The following KCNH1 variants were observed in gnomAD, a reference collection of about 807,000 sequenced individuals.
KCNH1 encodes the protein voltage-gated delayed rectifier potassium channel KCNH1.
In KCNH1, 27 loss-of-function variants were observed where a neutral mutation model predicts 69.2. The ratio of observed to expected loss-of-function variants is 0.39; its 90% CI spans 0.29 to 0.54. The LOEUF (loss-of-function observed/expected upper bound fraction) is 0.54. Among genes scored for constraint, KCNH1 ranks in the 20% least tolerant of loss-of-function variants. KCNH1 has a pLI of 0.68. For missense variants in KCNH1, 798 were observed against 1,261.6 expected (o/e 0.63, Z 5.57); for synonymous variants, 456 against 487.7 (o/e 0.93, Z 0.86).
chr1:210,861,273 C>A, intron 7 of KCNH1: 1 of 927,182 alleles, frequency 1.1e-6, no homozygotes, highest in South Asian at 1.3e-5. Context: ...CAGGTGAGAG[C>A]ATGAGAAACT....
At chr1:210,997,556 A>G (rs1023939101) in intron 6 of KCNH1, among the ~76,000 whole-genome samples, 4 of 152,208 alleles carry the variant, frequency 2.6e-5, no homozygotes, top group Non-Finnish European at 4.4e-5. Flanking sequence ...TGAAAGTGAC[A>G]GGGAGAATGG....
chr1:211,009,292 A>AAACCT (rs1398908139), intron 6 of KCNH1, among the ~76,000 whole-genome samples: 1 of 152,242 alleles, frequency 6.6e-6, no homozygotes, highest in African/African-American at 2.4e-5. Flanking sequence ...ACAAGGTTGA[A>AAACCT]AACCTGATCA....
chr1:210,893,333 G>T (rs552868185), intron 7 of KCNH1, among the ~76,000 whole-genome samples: 2 of 152,138 alleles, frequency 1.3e-5, no homozygotes, highest in Admixed American at 6.5e-5. Flanking sequence ...GTGCTCTATT[G>T]TTTTCTACTT....
chr1:210,716,129 G>A (rs866305141), intron 10 of KCNH1, among the ~76,000 whole-genome samples: 13 of 152,002 alleles, frequency 8.6e-5, no homozygotes, highest in Non-Finnish European at 5.9e-5. Flanking sequence ...GGTAGATCTT[G>A]CTTTAAGAAA....
intron 9 of KCNH1, among the ~76,000 whole-genome samples, chr1:210,789,664 C>T (rs1262777770): frequency 1.3e-5 from 2 of 152,124 alleles, no homozygotes; most frequent in East Asian, 3.8e-4. Flanking sequence ...CTCTTAAAGA[C>T]AACTTGAAAG....
intron 6 of KCNH1, among the ~76,000 whole-genome samples, chr1:210,931,585 T>C (rs376847659): frequency 4.6e-5 from 7 of 152,046 alleles, no homozygotes; most frequent in African/African-American, 1.4e-4. Flanking sequence ...TGGTGATGGG[T>C]GCATCAAAAT....
intron 7 of KCNH1, among the ~76,000 whole-genome samples, chr1:210,916,032 A>C (rs1004031853): frequency 2.0e-5 from 3 of 152,154 alleles, no homozygotes; most frequent in Admixed American, 2.0e-4. Context: ...CCTGGTAGTC[A>C]GGGAGGGAGA....
chr1:211,082,942 C>A, intron 4 of KCNH1, 44 bp from the exon 5 acceptor site: 1 of 1,472,744 alleles, frequency 6.8e-7, no homozygotes, highest in Non-Finnish European at 9.4e-7. Flanking sequence ...AACCACATCC[C>A]AAAGGTGCAC....
At chr1:210,995,369 C>A (rs1018441645) in intron 6 of KCNH1, among the ~76,000 whole-genome samples, 1 of 152,144 alleles carries the variant, frequency 6.6e-6, no homozygotes, top group African/African-American at 2.4e-5. Flanking sequence ...TAAACTTAAG[C>A]CACTAAATTA....
chr1:210,806,189 A>G (rs75623833), intron 7 of KCNH1, among the ~76,000 whole-genome samples: 2 of 152,356 alleles, frequency 1.3e-5, no homozygotes, highest in African/African-American at 4.8e-5. Context: ...CCAGCAGTCT[A>G]TAAGAGTTCC....
At chr1:211,038,948 G>C (rs1689945278) in intron 5 of KCNH1, among the ~76,000 whole-genome samples, 1 of 152,200 alleles carries the variant, frequency 6.6e-6, no homozygotes, top group Non-Finnish European at 1.5e-5. Flanking sequence ...TGCATAAGTA[G>C]CAAGGAACCT....
chr1:210,882,665 T>G (rs1483467025), intron 7 of KCNH1, among the ~76,000 whole-genome samples: 1 of 152,168 alleles, frequency 6.6e-6, no homozygotes, highest in East Asian at 1.9e-4. Flanking sequence ...GGTGTACTTG[T>G]GAGCAGCCAG....
At chr1:210,879,442 T>C (rs1355046690) in intron 7 of KCNH1, among the ~76,000 whole-genome samples, 2 of 151,980 alleles carry the variant, frequency 1.3e-5, no homozygotes, top group Non-Finnish European at 2.9e-5. Flanking sequence ...GCAAGGCCAG[T>C]TCAACATTCA....
At chr1:210,881,639 T>C (rs1047176142) in intron 7 of KCNH1, among the ~76,000 whole-genome samples, 1 of 152,188 alleles carries the variant, frequency 6.6e-6, no homozygotes, top group African/African-American at 2.4e-5. Flanking sequence ...AACCAGGATG[T>C]CCTTCAGTAG....
chr1:211,122,054 C>T (rs1040069224), intron 1 of KCNH1, among the ~76,000 whole-genome samples: 9 of 151,996 alleles, frequency 5.9e-5, no homozygotes, highest in Non-Finnish European at 1.2e-4. Context: ...AGGAGAATGG[C>T]GTGAACCTGG....
intron 10 of KCNH1, among the ~76,000 whole-genome samples, chr1:210,686,432 A>G (rs762529036): frequency 1.3e-5 from 2 of 152,164 alleles, no homozygotes; most frequent in Non-Finnish European, 2.9e-5. Context: ...GGCCCTTTCT[A>G]TGGTCAGACT....
intron 6 of KCNH1, among the ~76,000 whole-genome samples, chr1:211,000,076 G>T (rs1232233455): frequency 6.6e-6 from 1 of 152,162 alleles, no homozygotes; most frequent in East Asian, 1.9e-4. Context: ...GGCAAAAACT[G>T]GAAGCATTCC....
chr1:210,981,372 CAAAAAAAAA>C (rs10684074), intron 6 of KCNH1, among the ~76,000 whole-genome samples: 2 of 85,498 alleles, frequency 2.3e-5, no homozygotes, highest in African/African-American at 4.8e-5. Context: ...GTAACAACGA[CAAAAAAAAA>C]AAAAAAAAAA....
intron 5 of KCNH1, among the ~76,000 whole-genome samples, chr1:211,025,852 T>TA (rs1397739502): frequency 1.2e-4 from 19 of 152,234 alleles, no homozygotes; most frequent in African/African-American, 1.9e-4. Flanking sequence ...ATTGGCCATA[T>TA]AAATGCTAAA....
Sources: gnomAD v4.1 joint callset for allele counts (sites outside exome capture counted in the v4.1 genomes callset) on GRCh38, gnomAD v4.1.1 for gene constraint, MANE v1.5 for transcripts, NCBI Gene and HGNC (gene_info 2026-07-23, HGNC 2026-07-21) for gene names.